The following MSL2 variants were observed in gnomAD, a reference collection of about 807,000 sequenced individuals.
MSL2 encodes E3 ubiquitin-protein ligase MSL2.
MSL2 carries 2 observed loss-of-function variants against 35.8 expected under a neutral mutation model. The ratio of observed to expected loss-of-function variants is 0.06; its 90% CI spans 0.02 to 0.18. MSL2 has a LOEUF of 0.18. MSL2 is among the 10% of genes least tolerant of loss of function. The pLI is 1.00. For missense variants in MSL2, 523 were observed against 706.7 expected (o/e 0.74, Z 2.95); for synonymous variants, 296 against 255.7 (o/e 1.16, Z -1.50).
intron 1 of MSL2, among the ~76,000 whole-genome samples, chr3:136,163,469 T>C (rs1382370563): frequency 6.6e-6 from 1 of 152,172 alleles, no homozygotes; most frequent in Non-Finnish European, 1.5e-5. Context: ...AATTTCCTTT[T>C]CAAAGGAATC....
intron 1 of MSL2, among the ~76,000 whole-genome samples, chr3:136,193,030 C>T (rs1940734771): frequency 6.6e-6 from 1 of 152,152 alleles, no homozygotes; most frequent in African/African-American, 2.4e-5. Context: ...AGAAGCAGAA[C>T]TCACGATCTT....
At chr3:136,180,740 GGA>G (rs1940316369) in intron 1 of MSL2, among the ~76,000 whole-genome samples, 1 of 128,818 alleles carries the variant, frequency 7.8e-6, no homozygotes, top group Non-Finnish European at 1.7e-5. Context: ...AAGAAGAGGA[GGA>G]GAGGAGGGAA....
intron 1 of MSL2, among the ~76,000 whole-genome samples, chr3:136,185,177 T>C (rs1414884759): frequency 6.6e-6 from 1 of 152,068 alleles, no homozygotes; most frequent in Admixed American, 6.6e-5. Flanking sequence ...GGTTTCACCA[T>C]GTTGGCTAGG....
intron 1 of MSL2, among the ~76,000 whole-genome samples, chr3:136,174,419 C>T (rs1359460190): frequency 1.3e-5 from 2 of 152,204 alleles, no homozygotes; most frequent in Non-Finnish European, 1.5e-5. Flanking sequence ...ATGGCATACA[C>T]AGAGACAATT....
At chr3:136,159,513 G>A (rs1459434704) in intron 1 of MSL2, among the ~76,000 whole-genome samples, 23 of 149,096 alleles carry the variant, frequency 1.5e-4, no homozygotes, top group East Asian at 3.9e-4. Flanking sequence ...ACAGGCGCCC[G>A]CCACCACGCC....
intron 1 of MSL2, among the ~76,000 whole-genome samples, chr3:136,157,228 C>T (rs1319013491): frequency 3.1e-5 from 4 of 129,832 alleles, no homozygotes; most frequent in East Asian, 3.9e-4. Flanking sequence ...GAAGGCGGGC[C>T]GATCACCTGA....
Position 136,195,187 on chromosome 3 carries a change from C to CTTACT in MSL2, c.-75_-74insAGTAA. On this transcript the variant is annotated 5_prime_UTR_variant, in exon 1 of 2. It introduces an in-frame stop codon into an upstream open reading frame of the 5' UTR. Transcript: ENST00000309993. Reference sequence around the variant, plus strand: ...TCCAACTTAGTAAGCAGCCAGGGAACGATGGCGAATTTGCAACAATTCGGA... The same window carrying CTTACT: ...TCCAACTTAGTAAGCAGCCAGGGAACTTACTGATGGCGAATTTGCAACAATTCGGA... The CTTACT allele has an allele frequency of 1.3e-6, 2 of 1,547,278 alleles. No homozygotes were observed. The highest frequency in any genetic ancestry group is 1.7e-6 in the Non-Finnish European group (2 of 1,150,162).
At chr3:136,159,320 T>A (rs1258508971) in intron 1 of MSL2, among the ~76,000 whole-genome samples, 1 of 149,730 alleles carries the variant, frequency 6.7e-6, no homozygotes, top group Non-Finnish European at 1.5e-5. Context: ...CGACAGGGTA[T>A]CCAGATGATT....
At chr3:136,185,765 C>T (rs1940503174) in intron 1 of MSL2, among the ~76,000 whole-genome samples, 1 of 152,016 alleles carries the variant, frequency 6.6e-6, no homozygotes, top group Non-Finnish European at 1.5e-5. Context: ...CTCGGCCTCC[C>T]AAAGTGCTGG....
chr3:136,179,338 C>T (rs750254371), intron 1 of MSL2, among the ~76,000 whole-genome samples: 13 of 152,076 alleles, frequency 8.5e-5, no homozygotes, highest in Admixed American at 3.9e-4. Flanking sequence ...AGGCAGGGAC[C>T]ACCATCCTTA....
intron 1 of MSL2, among the ~76,000 whole-genome samples, chr3:136,187,937 A>T (rs903814612): frequency 1.3e-5 from 2 of 152,018 alleles, no homozygotes; most frequent in African/African-American, 4.8e-5. Flanking sequence ...TGTAGAACAT[A>T]TTTTTTAAAA....
chr3:136,156,886 T>A (rs555453125), intron 1 of MSL2, among the ~76,000 whole-genome samples: 26 of 152,082 alleles, frequency 1.7e-4, no homozygotes, highest in Middle Eastern at 3.4e-3. Context: ...ATAAATAAAT[T>A]ATGTTTCCTC....
intron 1 of MSL2, among the ~76,000 whole-genome samples, chr3:136,167,853 C>T (rs762117216): frequency 1.3e-5 from 2 of 151,968 alleles, no homozygotes; most frequent in African/African-American, 4.8e-5. Context: ...ACTTTTCCAA[C>T]GTAATGAAAG....
intron 1 of MSL2, among the ~76,000 whole-genome samples, 180 bp downstream of exon 1, chr3:136,194,792 G>A (rs911323947): frequency 6.6e-6 from 1 of 152,022 alleles, no homozygotes; most frequent in Non-Finnish European, 1.5e-5. Flanking sequence ...AGGGTTCTCT[G>A]CCTTTCTGAA....
intron 1 of MSL2, among the ~76,000 whole-genome samples, chr3:136,170,457 T>TC (rs1461761024): frequency 1.3e-5 from 2 of 150,752 alleles, no homozygotes; most frequent in African/African-American, 4.9e-5. Context: ...CAAATATACT[T>TC]CACAGCTTTC....
chr3:136,175,910 T>C (rs1443751860), intron 1 of MSL2, among the ~76,000 whole-genome samples: 1 of 145,706 alleles, frequency 6.9e-6, no homozygotes, highest in East Asian at 1.9e-4. Context: ...GTGCTAAGCC[T>C]GCCATCACTT....
At chr3:136,193,385 C>T (rs1940743962) in intron 1 of MSL2, among the ~76,000 whole-genome samples, 1 of 152,052 alleles carries the variant, frequency 6.6e-6, no homozygotes, top group Admixed American at 6.6e-5. Flanking sequence ...CCAGATTCTA[C>T]AAATGTTAAC....
chr3:136,166,699 AAAAT>A (rs899767566), intron 1 of MSL2, among the ~76,000 whole-genome samples: 4 of 152,196 alleles, frequency 2.6e-5, no homozygotes, highest in South Asian at 2.1e-4. Context: ...AAATAGCGCT[AAAAT>A]AAATAAACCG....
At chr3:136,183,483 C>T (rs1483901041) in intron 1 of MSL2, among the ~76,000 whole-genome samples, 2 of 152,000 alleles carry the variant, frequency 1.3e-5, no homozygotes, top group African/African-American at 4.8e-5. Context: ...AGTGCAGTGG[C>T]ACGACCTCGA....
Sources: gnomAD v4.1 joint callset for allele counts (sites outside exome capture counted in the v4.1 genomes callset) on GRCh38, gnomAD v4.1.1 for gene constraint, MANE v1.5 for transcripts, NCBI Gene and HGNC (gene_info 2026-07-23, HGNC 2026-07-21) for gene names.